Variants in CEP295 observed in about 807,000 individuals in gnomAD.
CEP295 encodes centrosomal protein of 295 kDa.
In CEP295, 190 loss-of-function variants were observed where a neutral mutation model predicts 291.6. The ratio of observed to expected loss-of-function variants is 0.65; its 90% confidence interval spans 0.58 to 0.73. CEP295 has a LOEUF of 0.73. Among genes scored for constraint, CEP295 ranks in the 30% least tolerant of loss-of-function variants. The pLI is 0.00. For synonymous variants in CEP295, 993 were observed against 1,038.8 expected (o/e 0.96, Z 0.85); for missense variants, 2,863 against 2,949.4 (o/e 0.97, Z 0.68).
At position 93,727,203 on chromosome 11, in the gene CEP295, G is replaced by A. The variant is rs760271651; in HGVS notation, c.6727G>A (p.Asp2243Asn). The A allele has an allele frequency of 3.9e-6, 6 of 1,551,392 alleles. No homozygotes were observed. In the South Asian group the frequency reaches 6.0e-5, roughly 15 times the overall value. ...GNLSSVYSSS[D>N]EANVFDQLNV... ...CTTAAGTTCAGTCTACAGTTCATCTGATGAAGCTAATGTATTTGATCAGTT... is the reference window on the plus strand; with the variant it reads ...CTTAAGTTCAGTCTACAGTTCATCTAATGAAGCTAATGTATTTGATCAGTT... The change falls in exon 24 of 30, where the codon GAT becomes AAT. Residue 2243 changes from aspartate to asparagine, a missense_variant. Transcript: ENST00000325212.
chr11:93,729,997 G>A lies in CEP295; in HGVS notation c.7667+28G>A, dbSNP rs746224179. The A allele has an allele frequency of 5.0e-5, 62 of 1,233,136 alleles. No individual in the cohort carries two copies. In the South Asian group the frequency reaches 8.7e-4, roughly 17 times the overall value. 76.4% of individuals were successfully genotyped at this position (1,233,136 alleles called of 1,614,324 possible). A position where few individuals can be genotyped will look rare whatever the true frequency, so the allele number is the denominator to read the frequency against. On this transcript the variant is annotated intron_variant, in intron 28 of 29. Transcript: ENST00000325212. ...AGGGTTAATTTTTTTTTTTTTTTTA[G>A]TGATTCACTTTTTGCAGTGTTTGTC...
chr11:93,710,023 A>G (rs190113019), intron 18 of CEP295, among the ~76,000 whole-genome samples: 4 of 152,258 alleles, frequency 2.6e-5, no homozygotes, highest in East Asian at 3.9e-4. Flanking sequence ...TATCAGTTAT[A>G]ATAGTTTTCT....
At chr11:93,678,026 T>C (rs1950781316) in intron 6 of CEP295, among the ~76,000 whole-genome samples, 1 of 152,170 alleles carries the variant, frequency 6.6e-6, no homozygotes, top group Non-Finnish European at 1.5e-5. Flanking sequence ...CCTAACTTTT[T>C]CTCTAACCCT....
chr11:93,675,951 CTG>C (rs1205944471), intron 6 of CEP295, among the ~76,000 whole-genome samples: 3 of 152,050 alleles, frequency 2.0e-5, no homozygotes, highest in Non-Finnish European at 4.4e-5. Context: ...AAATTTGGAA[CTG>C]TACATATAAG....
chr11:93,692,102 G>C, intron 12 of CEP295, 72 bp downstream of exon 12: 1 of 823,764 alleles, frequency 1.2e-6, no homozygotes, highest in Non-Finnish European at 1.9e-6. Context: ...TTTGGCCAAT[G>C]AAATTTGTCT....
At chr11:93,676,853 TTTTCAA>T (rs2134886580) in intron 6 of CEP295, among the ~76,000 whole-genome samples, 1 of 152,152 alleles carries the variant, frequency 6.6e-6, no homozygotes, top group Non-Finnish European at 1.5e-5. Context: ...GCCTACCTCC[TTTTCAA>T]TTTTTGGACT....
intron 18 of CEP295, among the ~76,000 whole-genome samples, chr11:93,714,396 G>A (rs538994398): frequency 1.1e-4 from 16 of 152,220 alleles, no homozygotes; most frequent in South Asian, 2.1e-4. Flanking sequence ...GACTACAGGC[G>A]CGTGCCACCA....
chr11:93,680,589 T>G (rs1300929392), intron 7 of CEP295, among the ~76,000 whole-genome samples: 2 of 152,180 alleles, frequency 1.3e-5, no homozygotes, highest in Non-Finnish European at 2.9e-5. Context: ...AGGCAGAAGC[T>G]GTCATGAGCC....
chr11:93,728,293 T>C (rs993339923), intron 24 of CEP295: 1 of 162,058 alleles, frequency 6.2e-6, no homozygotes, highest in Non-Finnish European at 1.3e-5. Context: ...CATTATCTGT[T>C]AGCAGTCAGT....
intron 12 of CEP295, among the ~76,000 whole-genome samples, chr11:93,692,920 T>TC (rs35671783): frequency 0.91 from 134,506 of 147,834 alleles, 62,081 homozygotes; most frequent in Non-Finnish European, 0.99. Context: ...CTGCAATGAG[T>TC]CAAGATCACA....
intron 5 of CEP295, among the ~76,000 whole-genome samples, chr11:93,673,759 C>T (rs1950556048): frequency 6.6e-6 from 1 of 152,014 alleles, no homozygotes; most frequent in Non-Finnish European, 1.5e-5. Flanking sequence ...TCCCAAAGTG[C>T]TAGGATTACA....
In CEP295 at chr11:93,683,722, A is replaced by G. The variant is rs1951085264; in HGVS notation, c.929A>G (p.Asp310Gly). 1 of 1,545,770 alleles carries G rather than the reference A, an allele frequency of 6.5e-7. No individual in the cohort carries two copies. The highest frequency in any genetic ancestry group is 1.4e-5 in the African/African-American group (1 of 72,588). Residue 310 changes from aspartate (D) to glycine (G), a missense_variant, in exon 8 of 30, where the codon GAT becomes GGT. Asp to Gly is a moderately conservative substitution (Grantham distance 94, BLOSUM62 -1). Coordinates refer to ENST00000325212, the MANE Select transcript of CEP295 (RefSeq NM_033395.2). The part of the protein sequence containing the change: ...WQRELEFAFE[D>G]MYNADRKVKG... ...AGAGAATTGGAATTTGCCTTTGAAG[A>G]TATGTACAATGCAGACAGGAGTAAG...
In CEP295 at chr11:93,697,802, C is replaced by T; in HGVS notation, c.2890C>T (p.Leu964Phe). The change falls in exon 15 of 30, where the codon CTT (leucine) becomes TTT (phenylalanine). Residue 964 changes from leucine to phenylalanine, a missense_variant. Leu to Phe is a conservative substitution (Grantham distance 22). This residue lies in a region of CEP295 where 2,295 missense variants were observed against 2,335.7 expected (regional missense o/e 0.98). Transcript: ENST00000325212. Reference sequence around the variant, plus strand: ...GCAGTTGAATATTCAGAAGGATAGCCTTCAGGCTAGGCGAGAAGCCCAGGA... The same window carrying T: ...GCAGTTGAATATTCAGAAGGATAGCTTTCAGGCTAGGCGAGAAGCCCAGGA... ...QEQLNIQKDSLQARREAQEVL... is the reference protein window; with the variant it reads ...QEQLNIQKDSFQARREAQEVL... 1 of 1,551,712 alleles carries T rather than the reference C, an allele frequency of 6.4e-7. No homozygotes were observed. Among genetic ancestry groups the T allele is most frequent in the Admixed American group, 2.0e-5 (1 of 51,008 alleles).
At chr11:93,668,714 G>A (rs1174937910) in intron 3 of CEP295, 94 bp from the exon 4 acceptor site, 3 of 930,004 alleles carry the variant, frequency 3.2e-6, no homozygotes, top group Non-Finnish European at 4.9e-6. Context: ...GTAGAAAGAA[G>A]ATGACAAAAT....
intron 10 of CEP295, among the ~76,000 whole-genome samples, 154 bp from the exon 11 acceptor site, chr11:93,691,529 A>G (rs991917768): frequency 6.6e-6 from 1 of 152,246 alleles, no homozygotes; most frequent in African/African-American, 2.4e-5. Flanking sequence ...TTAATGAGAA[A>G]TATATCTGAT....
At chr11:93,701,945 T>G (rs894157397) in intron 15 of CEP295, among the ~76,000 whole-genome samples, 1 of 150,298 alleles carries the variant, frequency 6.7e-6, no homozygotes, top group Non-Finnish European at 1.5e-5. Flanking sequence ...GGTTGTTGTT[T>G]TTGTTGTTGT....
At chr11:93,713,756 C>T (rs1468262992) in intron 18 of CEP295, among the ~76,000 whole-genome samples, 1 of 152,058 alleles carries the variant, frequency 6.6e-6, no homozygotes, top group African/African-American at 2.4e-5. Context: ...AAACTCTATC[C>T]CTGTCTCTCT....
chr11:93,696,707 G>A lies in CEP295; in HGVS notation c.1795G>A (p.Ala599Thr), dbSNP rs1211326751. Residue 599 changes from alanine (A) to threonine (T), a missense_variant, in exon 15 of 30, where the codon GCC (alanine) becomes ACC (threonine). Physicochemically the swap from Ala to Thr is moderately conservative, Grantham distance 58. Around this residue, in one of 3 missense-constraint regions of CEP295, gnomAD observed 2,295 missense variants for 2,335.7 expected, o/e 0.98. Transcript: ENST00000325212. ...GTTACACAGGCAGTCTGTTGAAACA[G>A]CCAGGAAACAATTACTTGAATATCA... ...NRLHRQSVETARKQLLEYQTM... is the reference protein window; with the variant it reads ...NRLHRQSVETTRKQLLEYQTM... 1 of 1,549,968 alleles carries A rather than the reference G, an allele frequency of 6.5e-7. No individual in the cohort carries two copies. Among genetic ancestry groups the A allele is most frequent in the Non-Finnish European group, 8.7e-7 (1 of 1,146,194 alleles).
intron 10 of CEP295, among the ~76,000 whole-genome samples, chr11:93,689,643 C>A (rs1013588129): frequency 1.4e-4 from 21 of 152,138 alleles, no homozygotes; most frequent in African/African-American, 5.1e-4. Context: ...CTTCCTATCC[C>A]CTTTACCCTG....
Sources: gnomAD v4.1 joint callset for allele counts (sites outside exome capture counted in the v4.1 genomes callset) on GRCh38, gnomAD v4.1.1 for gene constraint, gnomAD v4.1.1 regional missense constraint, MANE v1.5 for transcripts, NCBI Gene and HGNC (gene_info 2026-07-23, HGNC 2026-07-21) for gene names.